Variants in CCDC186 observed in about 807,000 individuals in gnomAD.
The protein encoded by CCDC186 is coiled-coil domain-containing protein 186.
A neutral mutation model predicts 113.7 loss-of-function variants in CCDC186; 49 were observed. The observed-to-expected ratio is 0.43, with a 90% CI of 0.34 to 0.55. The LOEUF is 0.55. Among genes scored for constraint, CCDC186 ranks in the 20% least tolerant of loss-of-function variants. The pLI is 0.02. For synonymous variants in CCDC186, 355 were observed against 345.8 expected, an observed-to-expected ratio of 1.03 and a Z score of -0.30; for missense variants, 890 against 1,011.1, an observed-to-expected ratio of 0.88 and a Z score of 1.62.
chr10:114,144,367 T>G (rs2031568140), intron 6 of CCDC186, 130 bp downstream of exon 6: 1 of 1,116,704 alleles, frequency 9.0e-7, no homozygotes, highest in Non-Finnish European at 1.2e-6. Context: ...TCATTAACTG[T>G]TATTGCATTT....
At chr10:114,156,222 TC>T (rs1337534058) in intron 3 of CCDC186, among the ~76,000 whole-genome samples, 2 of 152,216 alleles carry the variant, frequency 1.3e-5, no homozygotes, top group East Asian at 3.8e-4. Flanking sequence ...CAATCATGCA[TC>T]AAGTGAAAAA....
chr10:114,149,900 T>C (rs2031795060), intron 4 of CCDC186, among the ~76,000 whole-genome samples: 1 of 151,246 alleles, frequency 6.6e-6, no homozygotes, highest in African/African-American at 2.4e-5. Flanking sequence ...GTGATTCTAA[T>C]GACTGGCTGG....
intron 4 of CCDC186, among the ~76,000 whole-genome samples, chr10:114,150,531 T>TG (rs1173701846): frequency 1.3e-5 from 2 of 152,060 alleles, no homozygotes; most frequent in East Asian, 3.8e-4. Context: ...GAACAAGGAA[T>TG]GGGATATAAA....
rs146207116 is a variant in CCDC186, at chr10:114,145,791, GA to G, written c.889-31del. The G allele has an allele frequency of 2.7e-3, 4,154 of 1,526,124 alleles. 88 individuals are homozygous for G. In the African/African-American group the frequency reaches 0.05, roughly 18 times the overall value. 94.5% of individuals were successfully genotyped at this position (1,526,124 alleles called of 1,614,324 possible). On this transcript the variant is annotated intron_variant, in intron 4 of 15. Transcript: ENST00000369287. ...AAAAAAAATATTACTTAGCATTAAT[GA>G]AAAATAATGTTTCAAATGGAAATGT...
intron 8 of CCDC186, 79 bp downstream of exon 8, chr10:114,136,069 A>G: frequency 1.3e-6 from 2 of 1,496,766 alleles, no homozygotes; most frequent in Non-Finnish European, 1.9e-6. Context: ...CCTTAAAAGT[A>G]GATAGCAATA....
chr10:114,127,592 T>A lies in CCDC186; in HGVS notation c.2262A>T (p.Pro754=), dbSNP rs780858415. The A allele has an allele frequency of 1.2e-6, 2 of 1,614,110 alleles. No individual in the cohort carries two copies. The highest frequency in any genetic ancestry group is 3.3e-5 in the Admixed American group (2 of 59,996). The change falls in exon 14 of 16, where the codon CCA becomes CCT. Residue 754 remains proline, a synonymous_variant. Transcript: ENST00000369287. ...CAATCAACATGGCCTTATCTACTTGTGGAAAGTTATCCACAGCTACTGAGG... is the reference window on the plus strand; with the variant it reads ...CAATCAACATGGCCTTATCTACTTGAGGAAAGTTATCCACAGCTACTGAGG... ...TGSSVAVDNF[P]QVDKAMLIER...
chr10:114,172,870 T>C (rs2032545578), intron 1 of CCDC186, among the ~76,000 whole-genome samples: 3 of 152,222 alleles, frequency 2.0e-5, no homozygotes, highest in Admixed American at 2.0e-4. Flanking sequence ...TCAGTTTCAC[T>C]ATCAATCTCT....
chr10:114,123,014 T>C lies in CCDC186; in HGVS notation c.*2129A>G, dbSNP rs1339829632. Reference sequence around the variant, plus strand: ...TAAAGTGTATAGGCATAGGATACTATGGATCAGATCACTATTTGGTCTCCA... The same window carrying C: ...TAAAGTGTATAGGCATAGGATACTACGGATCAGATCACTATTTGGTCTCCA... On this transcript the variant is annotated 3_prime_UTR_variant, in exon 16 of 16. Coordinates refer to ENST00000369287, the MANE Select transcript of CCDC186 (RefSeq NM_018017.4). The C allele has an allele frequency of 1.3e-5, 2 of 152,440 alleles. No homozygotes were observed. Among genetic ancestry groups the C allele is most frequent in the Non-Finnish European group, 2.9e-5 (2 of 68,024 alleles). 9.4% of individuals were successfully genotyped at this position (152,440 alleles called of 1,614,324 possible).
intron 4 of CCDC186, among the ~76,000 whole-genome samples, chr10:114,148,919 G>A (rs893908924): frequency 1.3e-5 from 2 of 152,144 alleles, no homozygotes; most frequent in African/African-American, 4.8e-5. Context: ...CATGAACATG[G>A]GTAAACACAT....
intron 1 of CCDC186, chr10:114,168,190 C>T (rs1430595535): frequency 6.6e-6 from 1 of 152,048 alleles, no homozygotes; most frequent in African/African-American, 2.4e-5. Flanking sequence ...AGGACCAATT[C>T]ACACTTCGAA....
At chr10:114,128,977 G>A (rs1381695341) in intron 13 of CCDC186, among the ~76,000 whole-genome samples, 6 of 152,118 alleles carry the variant, frequency 3.9e-5, no homozygotes, top group African/African-American at 1.4e-4. Flanking sequence ...GGAAGAGGAA[G>A]CTGTTGCACA....
chr10:114,152,471 A>T (rs1422672718), intron 3 of CCDC186, among the ~76,000 whole-genome samples: 1 of 152,232 alleles, frequency 6.6e-6, no homozygotes, highest in Non-Finnish European at 1.5e-5. Context: ...CTTGGAATAA[A>T]TTCCCCTCAG....
chr10:114,145,807 A>T, intron 4 of CCDC186, 46 bp from the exon 5 acceptor site: 1 of 1,497,456 alleles, frequency 6.7e-7, no homozygotes, highest in Non-Finnish European at 9.0e-7. Flanking sequence ...TAATGTTTCA[A>T]ATGGAAATGT....
chr10:114,170,434 C>T (rs1309512281), intron 1 of CCDC186, among the ~76,000 whole-genome samples: 5 of 152,128 alleles, frequency 3.3e-5, no homozygotes, highest in Non-Finnish European at 7.3e-5. Context: ...GATCCTCCCA[C>T]CTCAGCCTCC....
At chr10:114,171,583 T>A (rs772261246) in intron 1 of CCDC186, among the ~76,000 whole-genome samples, 7 of 152,016 alleles carry the variant, frequency 4.6e-5, no homozygotes, top group Non-Finnish European at 5.9e-5. Context: ...CTAGTATCTT[T>A]AAAAAAAATT....
intron 8 of CCDC186, 21 bp downstream of exon 8, chr10:114,136,127 A>G: frequency 6.3e-7 from 1 of 1,592,344 alleles, no homozygotes; most frequent in Non-Finnish European, 8.6e-7. Flanking sequence ...CTTAGGATAT[A>G]TAAAGAGCAA....
At chr10:114,148,649 A>G (rs1210185984) in intron 4 of CCDC186, among the ~76,000 whole-genome samples, 2 of 152,264 alleles carry the variant, frequency 1.3e-5, no homozygotes, top group Non-Finnish European at 2.9e-5. Context: ...AAAGTATGGG[A>G]AATTTCCAGG....
chr10:114,125,524 C>G (rs953379478), intron 15 of CCDC186, among the ~76,000 whole-genome samples: 13 of 151,604 alleles, frequency 8.6e-5, no homozygotes, highest in African/African-American at 2.7e-4. Flanking sequence ...CAAGGCCCAC[C>G]CACAGCAAAA....
intron 2 of CCDC186, among the ~76,000 whole-genome samples, chr10:114,160,173 A>G (rs1186710322): frequency 6.6e-6 from 1 of 151,748 alleles, no homozygotes; most frequent in East Asian, 1.9e-4. Context: ...GGGAGCCTGA[A>G]GTAGGAGAAT....
Sources: gnomAD v4.1 joint callset for allele counts (sites outside exome capture counted in the v4.1 genomes callset) on GRCh38, gnomAD v4.1.1 for gene constraint, MANE v1.5 for transcripts, NCBI Gene and HGNC (gene_info 2026-07-23, HGNC 2026-07-21) for gene names.